EFCAB11: variants seen among roughly 807,000 people sequenced by gnomAD.
EFCAB11 encodes the protein EF-hand calcium binding domain 11.
In EFCAB11, 14 loss-of-function variants were observed where a neutral mutation model predicts 23.0. That is an observed-to-expected ratio of 0.61 (90% CI 0.40 to 0.95). EFCAB11 has a LOEUF of 0.95. Ranked by LOEUF, EFCAB11 falls within the 40% of genes least tolerant of loss-of-function variation. The probability of loss-of-function intolerance (pLI) is 0.00; values close to 1 mark genes in which losing one functional copy is unlikely to be tolerated. For synonymous variants in EFCAB11, 65 were observed against 66.6 expected (o/e 0.98, Z 0.11); for missense variants, 198 against 195.8 (o/e 1.01, Z -0.07).
intron 5 of EFCAB11, among the ~76,000 whole-genome samples, chr14:89,817,891 TGCTGTGGCAGGA>T (rs1291531558): frequency 6.6e-6 from 1 of 151,866 alleles, no homozygotes; most frequent in Non-Finnish European, 1.5e-5. Context: ...CTACTCAGGA[TGCTGTGGCAGGA>T]GAATCACTTG....
intron 5 of EFCAB11, among the ~76,000 whole-genome samples, chr14:89,860,257 G>A (rs917294932): frequency 2.6e-5 from 4 of 152,062 alleles, no homozygotes; most frequent in African/African-American, 7.2e-5. Flanking sequence ...CCTGTTACTC[G>A]GGAGACTGAG....
intron 5 of EFCAB11, among the ~76,000 whole-genome samples, chr14:89,816,499 T>C (rs1300607146): frequency 1.3e-5 from 2 of 152,200 alleles, no homozygotes; most frequent in African/African-American, 4.8e-5. Context: ...TAGCACACTT[T>C]GCTGGCCCTC....
At chr14:89,847,756 A>AAAAG (rs146393568) in intron 5 of EFCAB11, among the ~76,000 whole-genome samples, 14 of 139,406 alleles carry the variant, frequency 1.0e-4, no homozygotes, top group African/African-American at 2.9e-4. Context: ...AAAAAAAAAA[A>AAAAG]AAAGAAAGAA....
intron 5 of EFCAB11, among the ~76,000 whole-genome samples, chr14:89,872,668 C>G (rs1888317988): frequency 6.6e-6 from 1 of 152,132 alleles, no homozygotes; most frequent in African/African-American, 2.4e-5. Flanking sequence ...TCCCAGCACC[C>G]TAGAATGTGA....
chr14:89,857,750 A>G (rs1181528045), intron 5 of EFCAB11, among the ~76,000 whole-genome samples: 1 of 152,228 alleles, frequency 6.6e-6, no homozygotes, highest in African/African-American at 2.4e-5. Context: ...CTTCTCAGAA[A>G]CAATAAGTTC....
chr14:89,893,801 A>T (rs1371314781), intron 5 of EFCAB11, among the ~76,000 whole-genome samples: 3 of 151,962 alleles, frequency 2.0e-5, no homozygotes, highest in Non-Finnish European at 4.4e-5. Flanking sequence ...AAACAAACAA[A>T]AAAAAAGATA....
At chr14:89,876,964 G>A (rs1354242472) in intron 5 of EFCAB11, among the ~76,000 whole-genome samples, 3 of 152,092 alleles carry the variant, frequency 2.0e-5, no homozygotes, top group East Asian at 1.9e-4. Flanking sequence ...ACATCCTCTC[G>A]TAAGGCTAGG....
intron 5 of EFCAB11, among the ~76,000 whole-genome samples, chr14:89,808,115 G>A (rs1387240663): frequency 6.6e-6 from 1 of 152,114 alleles, no homozygotes; most frequent in Non-Finnish European, 1.5e-5. Context: ...TCTCTTCCGG[G>A]GAACACAGCT....
chr14:89,837,253 G>T (rs1194704341), intron 5 of EFCAB11: 2 of 388,160 alleles, frequency 5.2e-6, no homozygotes, highest in Non-Finnish European at 1.0e-5. Context: ...GCCTTGCCCT[G>T]TGCCCTTCTG....
rs140244694 is a variant in EFCAB11, at chr14:89,833,673, A to G, written c.411-36349T>C. Among the ~76,000 whole-genome samples the G allele has an allele frequency of 1.3e-3, 205 of 152,340 alleles. 1 individual carries two copies. The highest frequency in any genetic ancestry group is 4.8e-3 in the African/African-American group (201 of 41,578). ...TTTACTACAAGATATGAAAGGGAAAAGGCTATAATGTTTAATCAAATTTAT... is the reference window on the plus strand; with the variant it reads ...TTTACTACAAGATATGAAAGGGAAAGGGCTATAATGTTTAATCAAATTTAT... On this transcript the variant is annotated intron_variant, in intron 5 of 5. Coordinates refer to ENST00000316738, the MANE Select transcript of EFCAB11 (RefSeq NM_145231.4).
At chr14:89,822,619 T>C (rs1886561760) in intron 5 of EFCAB11, among the ~76,000 whole-genome samples, 1 of 152,040 alleles carries the variant, frequency 6.6e-6, no homozygotes, top group African/African-American at 2.4e-5. Context: ...TTGAGTCTGG[T>C]CAAATATTGT....
At chr14:89,918,863 T>A (rs1889934179) in intron 5 of EFCAB11, among the ~76,000 whole-genome samples, 1 of 151,556 alleles carries the variant, frequency 6.6e-6, no homozygotes, top group Non-Finnish European at 1.5e-5. Context: ...CTACGTGCCA[T>A]CCCTATAACA....
Position 89,953,938 on chromosome 14 carries a change from C to T in EFCAB11, c.139G>A (p.Val47Ile). Residue 47 changes from valine (V) to isoleucine (I), a missense_variant, in exon 2 of 6, where the codon GTT (valine) becomes ATT (isoleucine). Val to Ile is a conservative substitution (Grantham distance 29). Transcript: ENST00000316738. The stretch of plus-strand genomic sequence containing the variant: ...GGCTTGTACCCAAACAGCATTACAA[C>T]AGCAGTTTTAAAGTCCTCTCTGCTG... ...YLSREDFKTA[V>I]VMLFGYKPSK... 1.2e-6 allele frequency: 2 copies of T among 1,613,818 alleles called. No individual in the cohort carries two copies. The highest frequency in any genetic ancestry group is 8.5e-7 in the Non-Finnish European group (1 of 1,179,974).
At chr14:89,953,570 C>T (rs575725684) in intron 2 of EFCAB11, among the ~76,000 whole-genome samples, 8 of 152,228 alleles carry the variant, frequency 5.3e-5, no homozygotes, top group Admixed American at 3.3e-4. Context: ...AAAAGTAAAA[C>T]GAGAAAGAGA....
Position 89,940,654 on chromosome 14 carries a change from A to G in EFCAB11, c.218-8027T>C, listed in dbSNP as rs556350036. 2.5e-3 allele frequency among the ~76,000 whole-genome samples: 381 copies of G among 152,346 alleles called. 4 individuals are homozygous for G. The highest frequency in any genetic ancestry group is 2.5e-3 in the Non-Finnish European group (171 of 68,030). ...TTCCTGGAAAGCTTTTTCAAGTATCAAAGTAGAATATGTTCATTAATTTAA... is the reference window on the plus strand; with the variant it reads ...TTCCTGGAAAGCTTTTTCAAGTATCGAAGTAGAATATGTTCATTAATTTAA... On this transcript the variant is annotated intron_variant, in intron 3 of 5. Transcript: ENST00000316738.
chr14:89,913,235 G>A (rs890559913), intron 5 of EFCAB11, among the ~76,000 whole-genome samples: 3 of 152,262 alleles, frequency 2.0e-5, no homozygotes, highest in Middle Eastern at 3.4e-3. Flanking sequence ...ATTAACTGCC[G>A]AAGGTACGGC....
Position 89,877,222 on chromosome 14 carries a change from T to A in EFCAB11, c.410+54319A>T, listed in dbSNP as rs372081674. Among the ~76,000 whole-genome samples the A allele has an allele frequency of 5.1e-4, 78 of 152,198 alleles. No homozygotes were observed. In the South Asian group the frequency reaches 0.014, roughly 27 times the overall value. The stretch of plus-strand genomic sequence containing the variant: ...ACCTGGCTAATTTTGGTATTTTTAG[T>A]AGAGACGGGGTTTCATCATGTTGGT... On this transcript the variant is annotated intron_variant, in intron 5 of 5. Coordinates refer to ENST00000316738, the MANE Select transcript of EFCAB11 (RefSeq NM_145231.4).
intron 5 of EFCAB11, among the ~76,000 whole-genome samples, chr14:89,883,299 G>T (rs564077980): frequency 1.3e-5 from 2 of 152,260 alleles, no homozygotes; most frequent in East Asian, 1.9e-4. Context: ...TTGAAAATTT[G>T]TTCAGACTCA....
intron 5 of EFCAB11, among the ~76,000 whole-genome samples, chr14:89,804,675 C>T (rs1000379968): frequency 6.6e-6 from 1 of 152,208 alleles, no homozygotes; most frequent in Non-Finnish European, 1.5e-5. Context: ...AATAGCACGT[C>T]ATATCAGATT....
Sources: allele counts gnomAD v4.1 joint callset (sites outside exome capture counted in the v4.1 genomes callset), GRCh38; gene constraint gnomAD v4.1.1; transcripts MANE v1.5; gene names NCBI Gene and HGNC (gene_info 2026-07-23, HGNC 2026-07-21).